The following PLCH2 variants were observed in gnomAD, a reference collection of about 807,000 sequenced individuals.
PLCH2 encodes 1-phosphatidylinositol 4,5-bisphosphate phosphodiesterase eta-2.
PLCH2 carries 98 observed loss-of-function variants against 134.7 expected under a neutral mutation model. That is an observed-to-expected ratio of 0.73 (90% CI 0.62 to 0.86). The LOEUF (loss-of-function observed/expected upper bound fraction) is 0.86. PLCH2 is among the 40% of genes least tolerant of loss of function. PLCH2 has a pLI of 0.00. For missense variants in PLCH2, 1,994 were observed against 1,986.6 expected (o/e 1.00, Z -0.07); for synonymous variants, 974 against 827.5 (o/e 1.18, Z -3.04).
intron 10 of PLCH2, 75 bp downstream of exon 10, chr1:2,489,942 G>C: frequency 8.9e-7 from 1 of 1,120,594 alleles, no homozygotes; most frequent in Non-Finnish European, 1.4e-6. Context: ...CCTTGCTGTT[G>C]GGGCGAGTTA....
chr1:2,465,844 G>A (rs185964635), upstream of PLCH2, among the ~76,000 whole-genome samples: 2,057 of 152,246 alleles, frequency 0.014, 81 homozygotes, highest in Admixed American at 0.075. Context: ...GGGGGCTCAG[G>A]GGCCTCTGTC....
chr1:2,482,619 G>C (rs368609951), intron 4 of PLCH2, among the ~76,000 whole-genome samples: 1 of 152,028 alleles, frequency 6.6e-6, no homozygotes, highest in Non-Finnish European at 1.5e-5. Flanking sequence ...GGTGTAGGGC[G>C]TGTGGCAGCC....
chr1:2,466,661 T>C (rs1641070382), upstream of PLCH2, among the ~76,000 whole-genome samples: 1 of 152,214 alleles, frequency 6.6e-6, no homozygotes, highest in South Asian at 2.1e-4. Context: ...GGATGGGGGC[T>C]CAAGGCCCCT....
At chr1:2,437,642 G>A (rs562485176) in intron 2 of PLCH2, among the ~76,000 whole-genome samples, 74 of 152,286 alleles carry the variant, frequency 4.9e-4, no homozygotes, top group African/African-American at 1.7e-3. Flanking sequence ...TAGCCAGATC[G>A]CCTGCTCCCT....
intron 2 of PLCH2, among the ~76,000 whole-genome samples, chr1:2,435,708 T>C (rs1474963464): frequency 6.6e-6 from 1 of 151,990 alleles, no homozygotes; most frequent in Admixed American, 6.5e-5. Context: ...CCAGGGTCCT[T>C]TGATGGCTGT....
intron 1 of PLCH2, among the ~76,000 whole-genome samples, chr1:2,468,383 G>A (rs911812848): frequency 5.2e-5 from 8 of 152,394 alleles, no homozygotes; most frequent in Admixed American, 2.0e-4. Flanking sequence ...CAGACAGAGC[G>A]GAGCAGCAGG....
At chr1:2,449,763 ATGGGCAGGGCTGTG>A (rs1396158452) in intron 2 of PLCH2, among the ~76,000 whole-genome samples, 3 of 152,204 alleles carry the variant, frequency 2.0e-5, no homozygotes, top group Non-Finnish European at 1.5e-5. Context: ...GTAGTATGTT[ATGGGCAGGGCTGTG>A]TGGCTGCCTG....
At chr1:2,480,779 GA>G (rs1433970136) in intron 4 of PLCH2, among the ~76,000 whole-genome samples, 3 of 152,218 alleles carry the variant, frequency 2.0e-5, no homozygotes, top group Non-Finnish European at 4.4e-5. Flanking sequence ...TAGGAGTTAT[GA>G]AAATGCAGCC....
At chr1:2,435,599 T>C (rs1311172386) in intron 2 of PLCH2, among the ~76,000 whole-genome samples, 1 of 151,944 alleles carries the variant, frequency 6.6e-6, no homozygotes, top group African/African-American at 2.4e-5. Flanking sequence ...GAGGTGGGAA[T>C]AGTTGCTGGC....
chr1:2,501,170 T>C (rs1016910977), intron 20 of PLCH2: 2 of 151,964 alleles, frequency 1.3e-5, no homozygotes, highest in African/African-American at 4.8e-5. Context: ...TCTGAACGCA[T>C]CTGCCCAGAG....
chr1:2,418,704 G>T, the PLCH2 span, among the ~76,000 whole-genome samples: 5 of 152,222 alleles, frequency 3.3e-5, no homozygotes, highest in Non-Finnish European at 7.3e-5. Context: ...TCCTGAGCCT[G>T]CCCGCCTGCC....
intron 1 of PLCH2, 116 bp downstream of exon 1, chr1:2,476,828 C>T (rs1021228617): frequency 5.3e-5 from 58 of 1,096,490 alleles, no homozygotes; most frequent in African/African-American, 3.0e-4. Context: ...ATCCTGCACT[C>T]GCCTCCCCTG....
At chr1:2,471,286 C>T (rs538128167) in intron 1 of PLCH2, among the ~76,000 whole-genome samples, 2 of 152,292 alleles carry the variant, frequency 1.3e-5, no homozygotes, top group African/African-American at 2.4e-5. Context: ...ATGTTGGGGC[C>T]CCCTTGGCCA....
intron 2 of PLCH2, among the ~76,000 whole-genome samples, chr1:2,437,697 C>G (rs1258478700): frequency 6.6e-6 from 1 of 152,248 alleles, no homozygotes; most frequent in African/African-American, 2.4e-5. Flanking sequence ...CACACGCACA[C>G]ACGAAGGCAC....
upstream of PLCH2, among the ~76,000 whole-genome samples, chr1:2,423,169 TTTTGTTTGTTTG>T (rs141556777): frequency 2.0e-5 from 3 of 151,688 alleles, no homozygotes; most frequent in African/African-American, 7.3e-5. Flanking sequence ...TATTTAGTTT[TTTTGTTTGTTTG>T]TTTGTTTGTT....
chr1:2,466,876 G>C (rs746568098), upstream of PLCH2, among the ~76,000 whole-genome samples: 29 of 152,180 alleles, frequency 1.9e-4, no homozygotes, highest in Non-Finnish European at 4.0e-4. Context: ...GCACAGGAAG[G>C]GGTGTAGCAG....
In PLCH2 at chr1:2,505,485, T is replaced by G; in HGVS notation, c.*272T>G. Reference sequence around the variant, plus strand: ...GTACATAGAGAAATATTTAAATTTTTAGAAGCAAAACTTATACAACATTAA... The same window carrying G: ...GTACATAGAGAAATATTTAAATTTTGAGAAGCAAAACTTATACAACATTAA... On this transcript the variant is annotated 3_prime_UTR_variant, in exon 22 of 22. Transcript: ENST00000378486. 1 of 498,780 alleles carries G rather than the reference T, an allele frequency of 2.0e-6. No homozygotes were observed. 30.9% of individuals were successfully genotyped at this position (498,780 alleles called of 1,614,324 possible).
At chr1:2,450,258 G>A (rs886595885) in intron 2 of PLCH2, among the ~76,000 whole-genome samples, 1 of 152,182 alleles carries the variant, frequency 6.6e-6, no homozygotes, top group Admixed American at 6.5e-5. Flanking sequence ...TCCTTCGAGA[G>A]CTGGTTCAAA....
At chr1:2,433,177 T>A (rs1639150148) in intron 2 of PLCH2, among the ~76,000 whole-genome samples, 5 of 152,230 alleles carry the variant, frequency 3.3e-5, no homozygotes, top group Admixed American at 3.3e-4. Flanking sequence ...ACTCTTCCCC[T>A]TCCAGATTGG....
Sources: allele counts gnomAD v4.1 joint callset (sites outside exome capture counted in the v4.1 genomes callset), GRCh38; gene constraint gnomAD v4.1.1; transcripts MANE v1.5; gene names NCBI Gene and HGNC (gene_info 2026-07-23, HGNC 2026-07-21).